Variants in SLC18A1 observed in about 807,000 individuals in gnomAD.
SLC18A1 encodes solute carrier family 18 member A1.
SLC18A1 carries 69 observed loss-of-function variants against 53.7 expected under a neutral mutation model. The observed-to-expected ratio is 1.28, with a 90% confidence interval of 1.06 to 1.57. SLC18A1 has a LOEUF of 1.57. Ranked by LOEUF, SLC18A1 falls within the 40% of genes most tolerant of loss-of-function variation. The pLI is 0.00. For synonymous variants in SLC18A1, 320 were observed against 248.1 expected (o/e 1.29, Z -2.72); for missense variants, 932 against 668.1 (o/e 1.40, Z -4.35).
intron 10 of SLC18A1, among the ~76,000 whole-genome samples, chr8:20,161,998 C>G (rs1188604096): frequency 2.0e-5 from 3 of 152,190 alleles, no homozygotes; most frequent in African/African-American, 7.2e-5. Context: ...ACCCATAGCT[C>G]TTGCATTCTG....
At chr8:20,157,468 A>G (rs1162107531) in intron 10 of SLC18A1, among the ~76,000 whole-genome samples, 1 of 152,100 alleles carries the variant, frequency 6.6e-6, no homozygotes, top group Non-Finnish European at 1.5e-5. Context: ...TGCCGCAGAC[A>G]TTTGCTAACT....
At position 20,145,843 on chromosome 8, in the gene SLC18A1, G is replaced by A. The variant is rs149404030; in HGVS notation, c.1498C>T (p.Arg500Trp). ...GTGGGCTTCTGGGTTGCATACATCCGGGTCTCCATGGGGCAGTCCTGACTC... is the reference window on the plus strand; with the variant it reads ...GTGGGCTTCTGGGTTGCATACATCCAGGTCTCCATGGGGCAGTCCTGACTC... ...ILSQDCPMET[R>W]MYATQKPTKE... Residue 500 changes from arginine (R) to tryptophan (W), a missense_variant, in exon 16 of 16, where the codon CGG (arginine) becomes TGG (tryptophan). Arg to Trp is a moderately radical substitution (Grantham distance 101, BLOSUM62 -3). Coordinates refer to ENST00000276373, the MANE Select transcript of SLC18A1 (RefSeq NM_003053.4). The A allele has an allele frequency of 1.2e-5, 19 of 1,611,478 alleles. No homozygotes were observed. In the African/African-American group the frequency reaches 1.6e-4, roughly 14 times the overall value.
In SLC18A1 at chr8:20,150,699, T is replaced by A; in HGVS notation, c.1061A>T (p.Asn354Ile). The A allele has an allele frequency of 6.2e-7, 1 of 1,614,052 alleles. No individual in the cohort carries two copies. Among genetic ancestry groups the A allele is most frequent in the Non-Finnish European group, 8.5e-7 (1 of 1,179,998 alleles). ...PASVSYLIGT[N>I]LFGVLANKMG... ...CTTGTTGGCCAACACACCAAAGAGGTTGGTGCCAATGAGGTAGGACACACT... is the reference window on the plus strand; with the variant it reads ...CTTGTTGGCCAACACACCAAAGAGGATGGTGCCAATGAGGTAGGACACACT... Residue 354 changes from asparagine (N) to isoleucine (I), a missense_variant, in exon 11 of 16, where the codon AAC becomes ATC. Transcript: ENST00000276373.
chr8:20,157,500 A>C (rs1248110949), intron 10 of SLC18A1, among the ~76,000 whole-genome samples: 1 of 152,188 alleles, frequency 6.6e-6, no homozygotes, highest in Non-Finnish European at 1.5e-5. Context: ...AGGACTAAGG[A>C]AAACTAGGAA....
chr8:20,174,922 T>C (rs952860), intron 4 of SLC18A1, among the ~76,000 whole-genome samples: 4,419 of 152,242 alleles, frequency 0.029, 274 homozygotes, highest in East Asian at 0.28. Flanking sequence ...GGGTAGAAAA[T>C]AATATCTTGT....
chr8:20,147,527 G>A (rs1427755568), intron 14 of SLC18A1, 76 bp downstream of exon 14: 1 of 1,600,162 alleles, frequency 6.2e-7, no homozygotes, highest in Non-Finnish European at 8.5e-7. Flanking sequence ...ACCCTAGGAG[G>A]ATAGCTTCCT....
chr8:20,148,097 C>T (rs749782893), intron 12 of SLC18A1, 27 bp from the exon 13 acceptor site: 1 of 1,609,384 alleles, frequency 6.2e-7, no homozygotes, highest in Non-Finnish European at 8.5e-7. Flanking sequence ...GAAGAGTCAT[C>T]AGGACTCCAG....
At chr8:20,166,583 G>A (rs2071972697) in intron 8 of SLC18A1, among the ~76,000 whole-genome samples, 2 of 151,732 alleles carry the variant, frequency 1.3e-5, no homozygotes, top group South Asian at 2.1e-4. Flanking sequence ...GGGAGAGGGG[G>A]AGGGTTAGAA....
intron 4 of SLC18A1, among the ~76,000 whole-genome samples, chr8:20,176,133 T>G (rs1373379989): frequency 6.6e-6 from 1 of 152,172 alleles, no homozygotes; most frequent in Non-Finnish European, 1.5e-5. Flanking sequence ...TGGGGCCCAG[T>G]GGAAGGTGTT....
At position 20,165,094 on chromosome 8, in the gene SLC18A1, G is replaced by T; in HGVS notation, c.872C>A (p.Thr291Asn). The change falls in exon 9 of 16, where the codon ACT (threonine) becomes AAT (asparagine). Residue 291 changes from threonine to asparagine, a missense_variant. By Grantham distance (65) the Thr-to-Asn change is moderately conservative (BLOSUM62 0). Transcript: ENST00000276373. ...SKVSPESAKGTPLFMLLKDPY... is the reference protein window; with the variant it reads ...SKVSPESAKGNPLFMLLKDPY... ...GTCTTTGAGAAGCATAAAGAGGGGA[G>T]TCCCCTTGGCACTCTGAGAACATGG... The T allele has an allele frequency of 6.2e-7, 1 of 1,614,112 alleles. No homozygotes were observed. The highest frequency in any genetic ancestry group is 8.5e-7 in the Non-Finnish European group (1 of 1,179,942).
At position 20,180,828 on chromosome 8, in the gene SLC18A1, C is replaced by T; in HGVS notation, c.124+13G>A. 1 of 1,613,616 alleles carries T rather than the reference C, an allele frequency of 6.2e-7. No individual in the cohort carries two copies. Among genetic ancestry groups the T allele is most frequent in the Non-Finnish European group, 8.5e-7 (1 of 1,179,696 alleles). On this transcript the variant is annotated intron_variant, in intron 2 of 15. Transcript: ENST00000276373. ...AGCAAATTAACCCTCAGCACAAAGA[C>T]CCACAAACGTACCCACCACAGTAAA... is the stretch of plus-strand genomic sequence containing the variant.
chr8:20,147,346 C>T lies in SLC18A1; in HGVS notation c.1376G>A (p.Trp459Ter), dbSNP rs2071427244. Residue 459 changes from tryptophan to a stop codon, truncating the protein, a stop_gained, in exon 15 of 16, where the codon TGG (tryptophan) becomes TAG (stop). Transcript: ENST00000276373. LOFTEE classifies it high-confidence loss of function. ...GAIVKAIGFP[W>*]LMVITGVINI... ...GATGACCCCAGTGATGACCATGAGC[C>T]AGGGAAAACCGATGGCCTTTACAAT... 6.2e-7 allele frequency: 1 copy of T among 1,613,224 alleles called. No individual in the cohort carries two copies. The highest frequency in any genetic ancestry group is 1.3e-5 in the African/African-American group (1 of 74,866).
In SLC18A1 at chr8:20,147,859, G is replaced by T. The variant is rs528553466; in HGVS notation, c.1211-137C>A. 81 of 1,451,882 alleles carry T rather than the reference G, an allele frequency of 5.6e-5. No homozygotes were observed. In the African/African-American group the frequency reaches 1.0e-3, roughly 18 times the overall value. The allele number at this position is 1,451,882 out of a possible 1,614,324, so 89.9% of individuals were successfully genotyped here. ...AACACCTGTTCCAGGTGGGAATTAC[G>T]AGCTCATCTCTCCACAACCCTGCCA... On this transcript the variant is annotated intron_variant, in intron 13 of 15. Transcript: ENST00000276373.
rs138289026 is a variant in SLC18A1 at position 20,148,063 on chromosome 8, A to G, written c.1154T>C (p.Leu385Pro). 1,368 of 1,614,162 alleles carry G rather than the reference A, an allele frequency of 8.5e-4. 16 individuals carry two copies. Among genetic ancestry groups the G allele is most frequent in the Middle Eastern group, 3.3e-4 (2 of 6,054 alleles). ...AATGAGACCAAAAATATTGTGAGCC[A>G]GAGGAACCTGCATGGGGAAGGAGGA... Reference protein sequence around the residue: ...VVGTSLLCVPLAHNIFGLIGP... With the variant: ...VVGTSLLCVPPAHNIFGLIGP... Residue 385 changes from leucine (L) to proline (P), a missense_variant, in exon 13 of 16, where the codon CTG becomes CCG. Transcript: ENST00000276373.
intron 10 of SLC18A1, among the ~76,000 whole-genome samples, chr8:20,152,311 A>T (rs1480267001): frequency 6.6e-6 from 1 of 152,228 alleles, no homozygotes; most frequent in Admixed American, 6.5e-5. Context: ...GAAATGACAT[A>T]ATTGGATTTA....
intron 5 of SLC18A1, 63 bp from the exon 6 acceptor site, chr8:20,173,191 C>G (rs2072169505): frequency 1.6e-6 from 2 of 1,215,682 alleles, no homozygotes; most frequent in Non-Finnish European, 2.3e-6. Flanking sequence ...TCTCAGAGCC[C>G]TTGGTCCCAC....
chr8:20,148,534 T>C lies in SLC18A1; in HGVS notation c.1147-464A>G, dbSNP rs776636538. The C allele has an allele frequency of 1.4e-5, 17 of 1,191,770 alleles. No homozygotes were observed. The East Asian group carries it at 5.7e-4, about 40-fold the overall frequency. The allele number at this position is 1,191,770 out of a possible 1,614,324, so 73.8% of individuals were successfully genotyped here. ...CTTGGTAGCTGTTGGAAAAAGAAGATAGAGAAGAGGCCCCAACAACCAGTT... is the reference window on the plus strand; with the variant it reads ...CTTGGTAGCTGTTGGAAAAAGAAGACAGAGAAGAGGCCCCAACAACCAGTT... On this transcript the variant is annotated intron_variant, in intron 12 of 15. Coordinates refer to ENST00000276373, the MANE Select transcript of SLC18A1 (RefSeq NM_003053.4).
intron 15 of SLC18A1, among the ~76,000 whole-genome samples, chr8:20,146,822 CAAA>C (rs10604873): frequency 0.031 from 4,216 of 137,684 alleles, 88 homozygotes; most frequent in Non-Finnish European, 0.045. Context: ...GAAACTCCAT[CAAA>C]AAAAAAAAAA....
chr8:20,165,858 C>G (rs542818840), intron 8 of SLC18A1, among the ~76,000 whole-genome samples: 2 of 152,274 alleles, frequency 1.3e-5, no homozygotes, highest in South Asian at 2.1e-4. Flanking sequence ...TGGGGCTTCT[C>G]TCTCTTCCAG....
Sources: allele counts gnomAD v4.1 joint callset (sites outside exome capture counted in the v4.1 genomes callset), GRCh38; gene constraint gnomAD v4.1.1; transcripts MANE v1.5; gene names NCBI Gene and HGNC (gene_info 2026-07-23, HGNC 2026-07-21).